FHIT: variants seen among roughly 807,000 people sequenced by gnomAD.
The protein encoded by FHIT is bis(5'-adenosyl)-triphosphatase.
A neutral mutation model predicts 17.9 loss-of-function variants in FHIT; 19 were observed. The observed-to-expected ratio is 1.06, with a 90% CI of 0.74 to 1.56. FHIT has a LOEUF of 1.56. FHIT is among the 40% of genes most tolerant of loss of function. The pLI, the probability that FHIT is intolerant of heterozygous loss-of-function variation, is 0.00. For synonymous variants in FHIT, 81 were observed against 69.7 expected, an observed-to-expected ratio of 1.16 and a Z score of -0.81; for missense variants, 248 against 189.2, an observed-to-expected ratio of 1.31 and a Z score of -1.82.
At chr3:61,080,626 A>G (rs2035105994) in intron 2 of FHIT, among the ~76,000 whole-genome samples, 1 of 152,192 alleles carries the variant, frequency 6.6e-6, no homozygotes, top group Non-Finnish European at 1.5e-5. Flanking sequence ...ATTTATGTCC[A>G]AGACTAACTG....
chr3:59,870,489 C>T (rs1008742462), intron 8 of FHIT, among the ~76,000 whole-genome samples: 8 of 152,302 alleles, frequency 5.3e-5, no homozygotes, highest in African/African-American at 1.7e-4. Flanking sequence ...AAAGGTATCT[C>T]ATAAGGACAA....
chr3:60,861,997 A>T (rs1204199996), intron 3 of FHIT, among the ~76,000 whole-genome samples: 1 of 151,686 alleles, frequency 6.6e-6, no homozygotes, highest in African/African-American at 2.4e-5. Context: ...GAATAAAATG[A>T]TTAAAACAAA....
chr3:60,705,292 A>G (rs1361869112), intron 4 of FHIT, among the ~76,000 whole-genome samples: 1 of 152,204 alleles, frequency 6.6e-6, no homozygotes, highest in African/African-American at 2.4e-5. Context: ...TGAAAGCAAC[A>G]TTAAAGGCAT....
chr3:59,935,191 T>C (rs1706173786), intron 7 of FHIT, among the ~76,000 whole-genome samples: 1 of 152,112 alleles, frequency 6.6e-6, no homozygotes, highest in African/African-American at 2.4e-5. Context: ...CTTAGTAATG[T>C]CTCCATCTGA....
At chr3:60,291,671 CCTTACT>C (rs1309504291) in intron 5 of FHIT, among the ~76,000 whole-genome samples, 2 of 152,054 alleles carry the variant, frequency 1.3e-5, no homozygotes, top group Non-Finnish European at 2.9e-5. Context: ...ACTCTTTTAC[CCTTACT>C]ATCTGCTTAA....
At chr3:61,128,580 GT>G (rs2036676700) in intron 2 of FHIT, among the ~76,000 whole-genome samples, 1 of 152,092 alleles carries the variant, frequency 6.6e-6, no homozygotes, top group African/African-American at 2.4e-5. Context: ...GCCCGTCCTA[GT>G]TTGGTGTTCT....
chr3:60,592,119 A>G (rs1430562572), intron 4 of FHIT, among the ~76,000 whole-genome samples: 1 of 150,702 alleles, frequency 6.6e-6, no homozygotes, highest in African/African-American at 2.4e-5. Flanking sequence ...ATGTATTCTT[A>G]AGACATTTTG....
chr3:59,841,085 G>A (rs1701517615), intron 8 of FHIT, among the ~76,000 whole-genome samples: 1 of 152,160 alleles, frequency 6.6e-6, no homozygotes, highest in Non-Finnish European at 1.5e-5. Context: ...TACCTCTGAA[G>A]GTCAAGTTGG....
chr3:60,144,534 T>A (rs1489450424), intron 5 of FHIT, among the ~76,000 whole-genome samples: 1 of 152,180 alleles, frequency 6.6e-6, no homozygotes, highest in Non-Finnish European at 1.5e-5. Context: ...TAAACTTGAT[T>A]AGTATTTGCT....
At chr3:60,593,782 A>C (rs2038170890) in intron 4 of FHIT, among the ~76,000 whole-genome samples, 1 of 152,116 alleles carries the variant, frequency 6.6e-6, no homozygotes, top group Non-Finnish European at 1.5e-5. Flanking sequence ...CTTTAGAATT[A>C]AGAACTCAGA....
chr3:59,956,856 C>A (rs1422447371), intron 7 of FHIT, among the ~76,000 whole-genome samples: 1 of 152,178 alleles, frequency 6.6e-6, no homozygotes, highest in Non-Finnish European at 1.5e-5. Context: ...AAATCCCTAT[C>A]ATCCTTTAGT....
At chr3:60,544,598 T>TC (rs2107613208) in intron 4 of FHIT, among the ~76,000 whole-genome samples, 1 of 146,426 alleles carries the variant, frequency 6.8e-6, no homozygotes, top group East Asian at 2.0e-4. Context: ...CTCAACCTAT[T>TC]TTTTTTTTTT....
intron 3 of FHIT, among the ~76,000 whole-genome samples, chr3:60,975,573 G>A (rs1710196540): frequency 6.6e-6 from 1 of 152,132 alleles, no homozygotes; most frequent in Non-Finnish European, 1.5e-5. Flanking sequence ...CAAGCTTGTT[G>A]GTTATGTAGA....
chr3:60,132,886 T>A (rs995574316), intron 5 of FHIT, among the ~76,000 whole-genome samples: 2 of 152,212 alleles, frequency 1.3e-5, no homozygotes, highest in African/African-American at 2.4e-5. Context: ...TTTATCACAT[T>A]TGAGTGATCT....
chr3:60,535,083 G>A lies in FHIT; in HGVS notation c.103+1777C>T, dbSNP rs1441747032. 3.3e-5 allele frequency among the ~76,000 whole-genome samples: 5 copies of A among 152,182 alleles called. No individual in the cohort carries two copies. The East Asian group carries it at 9.6e-4, about 29-fold the overall frequency. On this transcript the variant is annotated intron_variant, in intron 5 of 9. Coordinates refer to ENST00000492590, the MANE Select transcript of FHIT (RefSeq NM_002012.4). The stretch of plus-strand genomic sequence containing the variant: ...TACTAAAAATACAAAAATTAGCTCA[G>A]TGTGGTAGTGCCTGCCTGTGGTCCC...
At chr3:60,423,664 T>C (rs1219294738) in intron 5 of FHIT, among the ~76,000 whole-genome samples, 1 of 152,098 alleles carries the variant, frequency 6.6e-6, no homozygotes, top group African/African-American at 2.4e-5. Context: ...TTTAAGGCAA[T>C]GGCGCAATAA....
At chr3:60,155,280 C>T (rs1367057987) in intron 5 of FHIT, among the ~76,000 whole-genome samples, 1 of 152,006 alleles carries the variant, frequency 6.6e-6, no homozygotes, top group Non-Finnish European at 1.5e-5. Context: ...TTTTCTTTCT[C>T]TTGTCTGTGT....
chr3:59,927,249 C>A (rs1705707531), intron 7 of FHIT, among the ~76,000 whole-genome samples: 1 of 152,072 alleles, frequency 6.6e-6, no homozygotes, highest in South Asian at 2.1e-4. Context: ...CCAAATGAGG[C>A]TGATTCATAG....
At chr3:60,225,202 G>A (rs1704140772) in intron 5 of FHIT, among the ~76,000 whole-genome samples, 1 of 152,160 alleles carries the variant, frequency 6.6e-6, no homozygotes, top group Admixed American at 6.5e-5. Context: ...CTCTGTGGCA[G>A]GCCTGAGTCT....
Sources: allele counts gnomAD v4.1 joint callset (sites outside exome capture counted in the v4.1 genomes callset), GRCh38; gene constraint gnomAD v4.1.1; transcripts MANE v1.5; gene names NCBI Gene and HGNC (gene_info 2026-07-23, HGNC 2026-07-21).